The following NAV3 variants were observed in gnomAD, a reference collection of about 807,000 sequenced individuals.
NAV3 encodes the protein neuron navigator 3.
NAV3 carries 87 observed loss-of-function variants against 244.7 expected under a neutral mutation model. That is an observed-to-expected ratio of 0.36 (90% CI 0.30 to 0.42). NAV3 has a LOEUF of 0.42. Among genes scored for constraint, NAV3 ranks in the 20% least tolerant of loss-of-function variants. NAV3 has a pLI of 1.00. For synonymous variants in NAV3, 1,126 were observed against 1,042.2 expected (o/e 1.08, Z -1.55); for missense variants, 2,663 against 2,893.3 (o/e 0.92, Z 1.83).
rs527301779 is a variant in NAV3 at position 78,211,855 on chromosome 12, A to G, written c.*1338A>G. 3 of 152,702 alleles carry G rather than the reference A, an allele frequency of 2.0e-5. No individual in the cohort carries two copies. In the Middle Eastern group the frequency reaches 0.01, roughly 519 times the overall value. 9.5% of individuals were successfully genotyped at this position (152,702 alleles called of 1,614,324 possible). On this transcript the variant is annotated 3_prime_UTR_variant, in exon 40 of 40. Transcript: ENST00000397909. ...TCACTGTGGAAGAGGAAGCGTTTAT[A>G]CTGTAAAAGAAGGTTAGATTTGCAC...
chr12:77,778,249 G>T (rs1349952818), intron 2 of NAV3, among the ~76,000 whole-genome samples: 1 of 128,488 alleles, frequency 7.8e-6, no homozygotes, highest in Non-Finnish European at 1.7e-5. Context: ...CCTCCCCCCC[G>T]CCCCCCGTCC....
intron 2 of NAV3, among the ~76,000 whole-genome samples, chr12:77,703,924 G>A (rs775440518): frequency 9.9e-5 from 15 of 152,136 alleles, no homozygotes; most frequent in Non-Finnish European, 1.9e-4. Context: ...ATGACTCCTG[G>A]CTTACCAATA....
At chr12:77,967,731 T>C (rs1482304697) in intron 4 of NAV3, among the ~76,000 whole-genome samples, 3 of 152,084 alleles carry the variant, frequency 2.0e-5, no homozygotes, top group Admixed American at 1.3e-4. Flanking sequence ...GTACCCTACA[T>C]TGTGAATTGA....
chr12:77,615,274 G>C (rs1215754097), intron 2 of NAV3, among the ~76,000 whole-genome samples: 1 of 151,804 alleles, frequency 6.6e-6, no homozygotes, highest in East Asian at 1.9e-4. Flanking sequence ...TTTGGGTTCG[G>C]GAGTACATGT....
chr12:77,659,528 C>T (rs1873322521), intron 2 of NAV3, among the ~76,000 whole-genome samples: 2 of 152,156 alleles, frequency 1.3e-5, no homozygotes, highest in African/African-American at 4.8e-5. Flanking sequence ...TAAACTAGTT[C>T]AACCATTGTG....
At chr12:77,750,969 A>G (rs79686761) in intron 2 of NAV3, among the ~76,000 whole-genome samples, 5,848 of 152,242 alleles carry the variant, frequency 0.038, 366 homozygotes, top group African/African-American at 0.13. Flanking sequence ...CTTATTTGCT[A>G]TAGATTCCTG....
intron 12 of NAV3, among the ~76,000 whole-genome samples, chr12:78,081,960 A>C (rs1209930266): frequency 1.3e-5 from 2 of 152,108 alleles, no homozygotes; most frequent in Non-Finnish European, 2.9e-5. Flanking sequence ...CTGTCTCCCC[A>C]CCCAAATCTC....
rs34518266 is a variant in NAV3 at position 77,723,755 on chromosome 12, C to CTTTTTTTTTTTTTTTTTTTTTT, written c.72+151491_72+151512dup. 3.1e-4 allele frequency among the ~76,000 whole-genome samples: 21 copies of CTTTTTTTTTTTTTTTTTTTTTT among 67,650 alleles called. 3 individuals are homozygous for CTTTTTTTTTTTTTTTTTTTTTT. Among genetic ancestry groups the CTTTTTTTTTTTTTTTTTTTTTT allele is most frequent in the Admixed American group, 6.4e-4 (3 of 4,714 alleles). The allele number at this position is 67,650 out of a possible 152,430, so 44.4% of individuals were successfully genotyped here. On this transcript the variant is annotated intron_variant, in intron 2 of 8. Coordinates refer to the NAV3 transcript ENST00000550042. ...AGGAGTTTCTTCTTGGCAATCTTGA[C>CTTTTTTTTTTTTTTTTTTTTTT]TTTTTTTTTTTTTTTTTTTTTTTAC...
intron 1 of NAV3, among the ~76,000 whole-genome samples, chr12:77,926,146 A>G (rs145851548): frequency 6.6e-6 from 1 of 152,280 alleles, no homozygotes; most frequent in African/African-American, 2.4e-5. Flanking sequence ...CACAGCAGGC[A>G]GAGTGTTCTC....
At chr12:78,156,666 C>G (rs559597592) in intron 22 of NAV3, among the ~76,000 whole-genome samples, 15 of 152,102 alleles carry the variant, frequency 9.9e-5, no homozygotes, top group African/African-American at 3.6e-4. Context: ...TGAGTAAAAT[C>G]TTACATTTCA....
At chr12:77,651,584 A>T (rs1295036339) in intron 2 of NAV3, among the ~76,000 whole-genome samples, 2 of 152,142 alleles carry the variant, frequency 1.3e-5, no homozygotes, top group Non-Finnish European at 2.9e-5. Context: ...ACTGCCTGAG[A>T]CCATGTTTGT....
chr12:77,773,164 TG>T (rs2135885290), intron 2 of NAV3, among the ~76,000 whole-genome samples: 1 of 152,322 alleles, frequency 6.6e-6, no homozygotes, highest in Non-Finnish European at 1.5e-5. Context: ...TCAGACATTT[TG>T]TTTTTCACCA....
At position 77,773,600 on chromosome 12, in the gene NAV3, A is replaced by G. The variant is rs545949666; in HGVS notation, c.73-166719A>G. Reference sequence around the variant, plus strand: ...AAACTAAGAGAAATAAGGAAGATACATAGTATATTAGATAATGATAGGACC... The same window carrying G: ...AAACTAAGAGAAATAAGGAAGATACGTAGTATATTAGATAATGATAGGACC... On this transcript the variant is annotated intron_variant, in intron 2 of 8. Coordinates refer to the NAV3 transcript ENST00000550042. Among the ~76,000 whole-genome samples the G allele has an allele frequency of 2.0e-3, 307 of 152,284 alleles. 3 individuals are homozygous for G. The highest frequency in any genetic ancestry group is 7.2e-3 in the African/African-American group (299 of 41,568).
chr12:78,088,188 T>C (rs2137955750), intron 12 of NAV3, among the ~76,000 whole-genome samples: 1 of 152,026 alleles, frequency 6.6e-6, no homozygotes, highest in South Asian at 2.1e-4. Context: ...GTTTTAAGTA[T>C]ACAATTAACA....
intron 2 of NAV3, among the ~76,000 whole-genome samples, chr12:77,821,204 TG>T: frequency 6.6e-6 from 1 of 152,124 alleles, no homozygotes; most frequent in East Asian, 1.9e-4. Flanking sequence ...GTAGCTTTTC[TG>T]GGTGGTTCCT....
At chr12:77,746,481 A>G (rs528743364) in intron 2 of NAV3, among the ~76,000 whole-genome samples, 1 of 152,240 alleles carries the variant, frequency 6.6e-6, no homozygotes, top group South Asian at 2.1e-4. Flanking sequence ...AAGTACATCT[A>G]TATGTGTGCA....
At position 77,994,804 on chromosome 12, in the gene NAV3, C is replaced by A. The variant is rs770123518; in HGVS notation, c.673C>A (p.Leu225Met). ...ATTTCTCTGTTTCTCCTCATACAGT[C>A]TGGCAGCCAGATATGCAACTCAGTC... ...AKTQQDMQSSLAARYATQSNH... is the reference protein window; with the variant it reads ...AKTQQDMQSSMAARYATQSNH... Residue 225 changes from leucine (L) to methionine (M), a missense_variant and splice_region_variant, in exon 6 of 40, where the codon CTG becomes ATG. By Grantham distance (15) the Leu-to-Met change is conservative. Coordinates refer to ENST00000397909, the MANE Select transcript of NAV3 (RefSeq NM_001024383.2). The A allele has an allele frequency of 2.5e-6, 4 of 1,610,220 alleles. No homozygotes were observed. In the African/African-American group the frequency reaches 4.0e-5, roughly 16 times the overall value.
chr12:77,801,592 C>T (rs2135972032), intron 2 of NAV3, among the ~76,000 whole-genome samples: 1 of 152,116 alleles, frequency 6.6e-6, no homozygotes, highest in South Asian at 2.1e-4. Flanking sequence ...AAAAATGGAA[C>T]TTGGGATATA....
At chr12:78,017,208 T>C (rs1566022637) in intron 8 of NAV3, among the ~76,000 whole-genome samples, 1 of 152,162 alleles carries the variant, frequency 6.6e-6, no homozygotes, top group Non-Finnish European at 1.5e-5. Flanking sequence ...ACATATTAAG[T>C]GCACAAAAAC....
Sources: gnomAD v4.1 joint callset for allele counts (sites outside exome capture counted in the v4.1 genomes callset) on GRCh38, gnomAD v4.1.1 for gene constraint, MANE v1.5 for transcripts, NCBI Gene and HGNC (gene_info 2026-07-23, HGNC 2026-07-21) for gene names.